COG6: variants seen among roughly 807,000 people sequenced by gnomAD.
COG6 encodes the protein component of oligomeric golgi complex 6.
A neutral mutation model predicts 88.8 loss-of-function variants in COG6; 74 were observed. That is an observed-to-expected ratio of 0.83 (90% CI 0.69 to 1.01). The LOEUF (loss-of-function observed/expected upper bound fraction) is 1.01, where lower values mean the gene tolerates loss of function less well. COG6 is among the 50% of genes least tolerant of loss of function. The probability of loss-of-function intolerance (pLI) is 0.00; values close to 1 mark genes in which losing one functional copy is unlikely to be tolerated. For missense variants in COG6, 800 were observed against 797.9 expected (o/e 1.00, Z -0.03); for synonymous variants, 286 against 278.7 (o/e 1.03, Z -0.26).
Position 39,748,397 on chromosome 13 carries a change from C to A in COG6, c.1827-2549C>A, listed in dbSNP as rs1025066220. Among the ~76,000 whole-genome samples the A allele has an allele frequency of 5.3e-5, 8 of 152,106 alleles. No homozygotes were observed. In the East Asian group the frequency reaches 1.5e-3, roughly 29 times the overall value. On this transcript the variant is annotated intron_variant, in intron 18 of 18. Transcript: ENST00000455146. ...TGGGAGGCCACAGTGGGCGGATCAC[C>A]TGAGGTCAGGATTTTGAGACCAGCC...
intron 18 of COG6, among the ~76,000 whole-genome samples, chr13:39,742,603 G>A (rs1019741222): frequency 1.3e-5 from 2 of 152,046 alleles, no homozygotes; most frequent in Non-Finnish European, 2.9e-5. Flanking sequence ...GATTCATAAA[G>A]CAAGTCCTTA....
chr13:39,689,813 A>C lies in COG6; in HGVS notation c.1063A>C (p.Arg355=). 6.2e-7 allele frequency: 1 copy of C among 1,607,808 alleles called. No homozygotes were observed. Among genetic ancestry groups the C allele is most frequent in the Non-Finnish European group, 8.5e-7 (1 of 1,175,380 alleles). ...TGGGCATATCACTGAAGGTGTGTGC[A>C]GGCCTCTAAAGGTAAAATATTTTGT... ...VVGHITEGVC[R]PLKVRIEQVI... The change falls in exon 11 of 19, where the codon AGG becomes CGG. Residue 355 remains arginine (R), a synonymous_variant. Coordinates refer to ENST00000455146, the MANE Select transcript of COG6 (RefSeq NM_020751.3).
At chr13:39,723,248 A>G (rs1878944225) in intron 15 of COG6, 85 bp from the exon 16 acceptor site, 3 of 802,062 alleles carry the variant, frequency 3.7e-6, no homozygotes, top group Middle Eastern at 3.1e-4. Context: ...CCTGTGCCTC[A>G]TCATCAGTGC....
At chr13:39,772,350 A>C (rs1881342191) in intron 18 of COG6, among the ~76,000 whole-genome samples, 1 of 152,180 alleles carries the variant, frequency 6.6e-6, no homozygotes, top group Non-Finnish European at 1.5e-5. Context: ...TTCAATAAAC[A>C]TCTCTTGAGT....
At chr13:39,767,649 A>C (rs1881205313) in intron 18 of COG6, among the ~76,000 whole-genome samples, 1 of 152,186 alleles carries the variant, frequency 6.6e-6, no homozygotes, top group Non-Finnish European at 1.5e-5. Flanking sequence ...TCAGGGAAGG[A>C]GCAGAAGATG....
chr13:39,788,265 T>A (rs751038211), intron 18 of COG6: 18 of 1,417,266 alleles, frequency 1.3e-5, no homozygotes, highest in Non-Finnish European at 1.8e-5. Context: ...TATGCAGGAA[T>A]GTGAGGTATT....
intron 18 of COG6, among the ~76,000 whole-genome samples, chr13:39,779,054 G>A (rs891698745): frequency 6.6e-6 from 1 of 152,196 alleles, no homozygotes; most frequent in African/African-American, 2.4e-5. Context: ...GAAGAGAGGA[G>A]TGTCAAAAAA....
chr13:39,698,877 G>A (rs1237086256), intron 12 of COG6, among the ~76,000 whole-genome samples: 2 of 151,712 alleles, frequency 1.3e-5, no homozygotes, highest in Non-Finnish European at 3.0e-5. Flanking sequence ...GCAAAAATGG[G>A]AAACCTCCTT....
At chr13:39,743,227 A>G (rs1484210138) in intron 18 of COG6, among the ~76,000 whole-genome samples, 1 of 152,208 alleles carries the variant, frequency 6.6e-6, no homozygotes, top group Non-Finnish European at 1.5e-5. Flanking sequence ...TTGAAAAGCT[A>G]GCAGAAGGCA....
rs1593425892 is a variant in COG6, at chr13:39,687,603, A to G, written c.889A>G (p.Ile297Val). The change falls in exon 9 of 19, where the codon ATT becomes GTT. Residue 297 changes from isoleucine (I) to valine (V), a missense_variant. Coordinates refer to ENST00000455146, the MANE Select transcript of COG6 (RefSeq NM_020751.3). The part of the protein sequence containing the change: ...RGGPGGTPRP[I>V]EMHSHDPLRY... ...GGGCCCCGGAGGTACACCTAGACCA[A>G]TTGAAATGCATTCTCATGACCCTTT... is the stretch of plus-strand genomic sequence containing the variant. 2 of 1,613,972 alleles carry G rather than the reference A, an allele frequency of 1.2e-6. No homozygotes were observed. Among genetic ancestry groups the G allele is most frequent in the South Asian group, 1.1e-5 (1 of 91,052 alleles).
chr13:39,694,965 A>G lies in COG6; in HGVS notation c.1166+240A>G, dbSNP rs550641818. Reference sequence around the variant, plus strand: ...CAAGCTTAACTACACGCACACACACACACACACACACACACACACACACAC... The same window carrying G: ...CAAGCTTAACTACACGCACACACACGCACACACACACACACACACACACAC... On this transcript the variant is annotated intron_variant, in intron 12 of 18. Transcript: ENST00000455146. Among the ~76,000 whole-genome samples, 9,153 of 150,236 alleles carry G rather than the reference A, an allele frequency of 0.061. 356 individuals carry two copies. The highest frequency in any genetic ancestry group is 0.094 in the Non-Finnish European group (6,306 of 67,384).
chr13:39,784,176 C>T (rs1028680136), intron 18 of COG6, among the ~76,000 whole-genome samples: 4 of 152,136 alleles, frequency 2.6e-5, no homozygotes, highest in Admixed American at 1.3e-4. Context: ...GAGCCAAGAG[C>T]TTCTATTCAT....
chr13:39,693,871 G>T (rs573093274), intron 11 of COG6, among the ~76,000 whole-genome samples: 6 of 152,072 alleles, frequency 3.9e-5, no homozygotes, highest in African/African-American at 1.4e-4. Context: ...AAAATAGGCA[G>T]AAGACATAAT....
chr13:39,663,121 A>G (rs969543607), intron 3 of COG6, among the ~76,000 whole-genome samples: 2 of 151,772 alleles, frequency 1.3e-5, no homozygotes, highest in African/African-American at 4.8e-5. Context: ...TATGTTTATT[A>G]TTAACTCAAA....
chr13:39,656,228 A>G (rs148177150), intron 1 of COG6: 2 of 498,276 alleles, frequency 4.0e-6, no homozygotes, highest in South Asian at 3.1e-5. Flanking sequence ...GGAGGAGAGC[A>G]CAAGACTGGA....
intron 18 of COG6, among the ~76,000 whole-genome samples, chr13:39,736,822 C>G (rs1879772316): frequency 1.3e-5 from 2 of 152,188 alleles, no homozygotes; most frequent in South Asian, 4.1e-4. Flanking sequence ...GGGTTGGTCA[C>G]TGGTGCCTTG....
intron 4 of COG6, 85 bp from the exon 5 acceptor site, chr13:39,677,383 T>G (rs993992038): frequency 4.1e-5 from 32 of 786,946 alleles, no homozygotes; most frequent in Admixed American, 7.8e-5. Context: ...TTTTAAAAAT[T>G]TATTATGTCT....
chr13:39,724,439 A>G (rs1010539529), intron 16 of COG6, 69 bp from the exon 17 acceptor site: 1 of 1,184,926 alleles, frequency 8.4e-7, no homozygotes, highest in Non-Finnish European at 1.2e-6. Flanking sequence ...TATATTCAGT[A>G]AGTGAAATGA....
chr13:39,790,270 A>T (rs1036832484), exon 19 of COG6: 1 of 152,232 alleles, frequency 6.6e-6, no homozygotes, highest in Admixed American at 6.5e-5. Flanking sequence ...TGAGGATAAA[A>T]ATAGCAATAA....
Sources: allele counts gnomAD v4.1 joint callset (sites outside exome capture counted in the v4.1 genomes callset), GRCh38; gene constraint gnomAD v4.1.1; transcripts MANE v1.5; gene names NCBI Gene and HGNC (gene_info 2026-07-23, HGNC 2026-07-21).